The following SLC39A11 variants were observed in gnomAD, a reference collection of about 807,000 sequenced individuals.
The protein encoded by SLC39A11 is solute carrier family 39 member 11.
In SLC39A11, 33 loss-of-function variants were observed where a neutral mutation model predicts 36.1. The ratio of observed to expected loss-of-function variants is 0.91; its 90% CI spans 0.69 to 1.22. SLC39A11 has a LOEUF of 1.22. Among genes scored for constraint, SLC39A11 ranks in the 50% most tolerant of loss-of-function variants. The pLI is 0.00. For synonymous variants in SLC39A11, 166 were observed against 170.3 expected (o/e 0.97, Z 0.20); for missense variants, 432 against 430.3 (o/e 1.00, Z -0.03).
At chr17:73,054,249 C>A (rs1436755893) in intron 3 of SLC39A11, among the ~76,000 whole-genome samples, 1 of 152,008 alleles carries the variant, frequency 6.6e-6, no homozygotes, top group East Asian at 1.9e-4. Context: ...GTAGTCCCAG[C>A]TACTCAGGAG....
At chr17:72,998,677 C>G (rs964610588) in intron 4 of SLC39A11, among the ~76,000 whole-genome samples, 2 of 152,186 alleles carry the variant, frequency 1.3e-5, no homozygotes, top group South Asian at 2.1e-4. Flanking sequence ...GAAAAAGTCT[C>G]AAGTCCAGAC....
chr17:72,746,536 G>A (rs2074944114), intron 6 of SLC39A11, among the ~76,000 whole-genome samples: 1 of 152,084 alleles, frequency 6.6e-6, no homozygotes, highest in African/African-American at 2.4e-5. Context: ...GGATCATGAG[G>A]TCAGGAGATC....
At chr17:72,703,747 C>A (rs1652756474) in intron 7 of SLC39A11, among the ~76,000 whole-genome samples, 1 of 152,214 alleles carries the variant, frequency 6.6e-6, no homozygotes, top group Non-Finnish European at 1.5e-5. Flanking sequence ...GTTTAGCTAT[C>A]TTCTATCTCA....
intron 4 of SLC39A11, among the ~76,000 whole-genome samples, chr17:73,020,869 G>A (rs1216685675): frequency 1.3e-5 from 2 of 151,850 alleles, no homozygotes; most frequent in Non-Finnish European, 2.9e-5. Flanking sequence ...TTTTAGTAGA[G>A]ACAGGGTTTT....
At chr17:72,911,355 A>T (rs2147112157) in intron 5 of SLC39A11, among the ~76,000 whole-genome samples, 1 of 152,158 alleles carries the variant, frequency 6.6e-6, no homozygotes, top group South Asian at 2.1e-4. Context: ...AACACGGCAC[A>T]TGTATACATA....
chr17:72,719,766 T>C (rs1211503009), intron 7 of SLC39A11, among the ~76,000 whole-genome samples: 3 of 152,162 alleles, frequency 2.0e-5, no homozygotes, highest in Non-Finnish European at 2.9e-5. Context: ...AGAGATAGCT[T>C]CCTGTGCCAA....
chr17:72,771,329 C>T (rs1312163863), intron 6 of SLC39A11, among the ~76,000 whole-genome samples: 3 of 147,998 alleles, frequency 2.0e-5, no homozygotes, highest in African/African-American at 7.6e-5. Flanking sequence ...CCAGCCTGAG[C>T]TGGGCAACAG....
intron 6 of SLC39A11, among the ~76,000 whole-genome samples, chr17:72,847,467 A>T (rs2079105764): frequency 6.6e-6 from 1 of 151,978 alleles, no homozygotes; most frequent in Admixed American, 6.6e-5. Context: ...CTCAAAGAAA[A>T]GGGTCAAGAG....
At chr17:72,853,634 C>T (rs559534620) in intron 5 of SLC39A11, among the ~76,000 whole-genome samples, 5 of 152,222 alleles carry the variant, frequency 3.3e-5, no homozygotes, top group South Asian at 2.1e-4. Context: ...TGAAAACTGA[C>T]GTCAGTGCCT....
In SLC39A11 at chr17:72,841,936, G is replaced by A. The variant is rs369047405; in HGVS notation, c.601+7698C>T. On this transcript the variant is annotated intron_variant, in intron 6 of 9. Coordinates refer to ENST00000255559, the MANE Select transcript of SLC39A11 (RefSeq NM_139177.4). ...AAAAAAAAGAAATTAGCTGGGTGTG[G>A]TGGTATGCACCTGTAGTCCCAGCTA... Among the ~76,000 whole-genome samples the A allele has an allele frequency of 2.0e-4, 31 of 152,104 alleles. 1 individual carries two copies. The highest frequency in any genetic ancestry group is 7.2e-4 in the African/African-American group (30 of 41,494).
chr17:72,739,612 C>A (rs2074585606), intron 6 of SLC39A11, among the ~76,000 whole-genome samples: 1 of 152,126 alleles, frequency 6.6e-6, no homozygotes, highest in African/African-American at 2.4e-5. Context: ...CTTTCCAAAA[C>A]CAGACAGCAG....
chr17:72,697,817 C>T (rs888007707), intron 7 of SLC39A11, among the ~76,000 whole-genome samples: 1 of 151,582 alleles, frequency 6.6e-6, no homozygotes, highest in African/African-American at 2.4e-5. Context: ...ACACTCGCCA[C>T]GTGGATGGGC....
At chr17:72,780,580 C>T (rs1440954200) in intron 6 of SLC39A11, among the ~76,000 whole-genome samples, 1 of 150,788 alleles carries the variant, frequency 6.6e-6, no homozygotes. Context: ...TGCTCTGTGT[C>T]AGAGCAATTC....
At chr17:72,987,774 C>A (rs1191917508) in intron 4 of SLC39A11, among the ~76,000 whole-genome samples, 7 of 152,154 alleles carry the variant, frequency 4.6e-5, no homozygotes, top group Non-Finnish European at 1.0e-4. Flanking sequence ...GGTGAAGCCC[C>A]AACGGTTGTT....
intron 7 of SLC39A11, among the ~76,000 whole-genome samples, chr17:72,708,981 G>C (rs993991955): frequency 6.6e-6 from 1 of 151,650 alleles, no homozygotes; most frequent in African/African-American, 2.4e-5. Context: ...TGTTGCCCAG[G>C]CTGGAGTGCA....
rs549501463 is a variant in SLC39A11 at position 72,997,016 on chromosome 17, G to T, written c.306+34540C>A. Among the ~76,000 whole-genome samples, 3 of 152,250 alleles carry T rather than the reference G, an allele frequency of 2.0e-5. No homozygotes were observed. The South Asian group carries it at 6.2e-4, about 32-fold the overall frequency. On this transcript the variant is annotated intron_variant, in intron 4 of 9. Transcript: ENST00000255559. ...CCTCCCCACGACCATCTGCAGTCTT[G>T]CAGCTTAATGTAGTCAAGAGCAGCT...
intron 3 of SLC39A11, among the ~76,000 whole-genome samples, chr17:73,082,860 A>G (rs905609599): frequency 3.3e-5 from 5 of 151,778 alleles, no homozygotes; most frequent in Non-Finnish European, 5.9e-5. Flanking sequence ...AAACCACAAA[A>G]AAAAAATTAG....
At chr17:73,081,632 TACACACACACACACACAC>T (rs57284292) in intron 3 of SLC39A11, among the ~76,000 whole-genome samples, 1 of 110,648 alleles carries the variant, frequency 9.0e-6, no homozygotes, top group African/African-American at 3.3e-5. Flanking sequence ...TATATATACA[TACACACACACACACACAC>T]ACACACACAC....
chr17:72,738,750 TAAG>T (rs1381665908), intron 6 of SLC39A11, among the ~76,000 whole-genome samples: 2 of 152,220 alleles, frequency 1.3e-5, no homozygotes, highest in Non-Finnish European at 2.9e-5. Flanking sequence ...AACTTTCTTT[TAAG>T]AAGAGGGAAG....
Sources: allele counts gnomAD v4.1 joint callset (sites outside exome capture counted in the v4.1 genomes callset), GRCh38; gene constraint gnomAD v4.1.1; transcripts MANE v1.5; gene names NCBI Gene and HGNC (gene_info 2026-07-23, HGNC 2026-07-21).